The following IPMK variants were observed in gnomAD, a reference collection of about 807,000 sequenced individuals.
IPMK encodes inositol polyphosphate multikinase.
A neutral mutation model predicts 45.8 loss-of-function variants in IPMK; 17 were observed. That is an observed-to-expected ratio of 0.37 (90% CI 0.25 to 0.56). The LOEUF is 0.56. Among genes scored for constraint, IPMK ranks in the 20% least tolerant of loss-of-function variants. The pLI, the probability that IPMK is intolerant of heterozygous loss-of-function variation, is 0.79. For synonymous variants in IPMK, 180 were observed against 184.3 expected (o/e 0.98, Z 0.19); for missense variants, 399 against 498.0 (o/e 0.80, Z 1.89).
At chr10:58,255,262 C>A (rs1402697230) in intron 1 of IPMK, among the ~76,000 whole-genome samples, 1 of 152,228 alleles carries the variant, frequency 6.6e-6, no homozygotes, top group East Asian at 1.9e-4. Context: ...TTCAGCCCTT[C>A]TGGCATTTCC....
intron 3 of IPMK, among the ~76,000 whole-genome samples, chr10:58,219,426 GAA>G (rs2132154763): frequency 6.6e-6 from 1 of 152,300 alleles, no homozygotes; most frequent in Admixed American, 6.5e-5. Flanking sequence ...GTCATTAATA[GAA>G]ATAAATCTGA....
chr10:58,199,418 G>C (rs1265790721), intron 4 of IPMK, 97 bp from the exon 5 acceptor site: 1 of 639,012 alleles, frequency 1.6e-6, no homozygotes, highest in Admixed American at 3.7e-5. Context: ...ATCTACTCAG[G>C]TAATTCATTC....
At chr10:58,248,753 A>T (rs144199646) in intron 1 of IPMK, among the ~76,000 whole-genome samples, 65 of 152,270 alleles carry the variant, frequency 4.3e-4, no homozygotes, top group African/African-American at 1.5e-3. Flanking sequence ...CCATGAGATC[A>T]ATGTTTTTAG....
intron 1 of IPMK, among the ~76,000 whole-genome samples, chr10:58,238,291 T>C (rs1252440814): frequency 6.6e-6 from 1 of 152,206 alleles, no homozygotes; most frequent in Non-Finnish European, 1.5e-5. Context: ...ACTAAAATAT[T>C]TGCTGATTCA....
intron 1 of IPMK, among the ~76,000 whole-genome samples, chr10:58,242,598 T>A (rs190870367): frequency 6.6e-6 from 1 of 152,148 alleles, no homozygotes; most frequent in African/African-American, 2.4e-5. Context: ...CTCATCACTA[T>A]ACTCAAATCA....
intron 3 of IPMK, among the ~76,000 whole-genome samples, chr10:58,221,728 T>A (rs1838339684): frequency 6.6e-6 from 1 of 151,898 alleles, no homozygotes; most frequent in African/African-American, 2.4e-5. Flanking sequence ...CCAGCTAATT[T>A]TTATTTTTTT....
chr10:58,232,019 G>T (rs1838531359), intron 2 of IPMK, among the ~76,000 whole-genome samples: 1 of 152,028 alleles, frequency 6.6e-6, no homozygotes, highest in Admixed American at 6.6e-5. Context: ...AAAAGCAGGG[G>T]TTACAATCCT....
intron 1 of IPMK, among the ~76,000 whole-genome samples, chr10:58,266,711 G>T (rs543375591): frequency 6.6e-6 from 1 of 152,282 alleles, no homozygotes; most frequent in South Asian, 2.1e-4. Flanking sequence ...TGTGAACTCA[G>T]AAAATGTATT....
At chr10:58,204,396 T>C (rs1838043415) in intron 4 of IPMK, among the ~76,000 whole-genome samples, 2 of 152,140 alleles carry the variant, frequency 1.3e-5, no homozygotes, top group Non-Finnish European at 2.9e-5. Context: ...GTCACCATAT[T>C]AGTTGCTCAT....
chr10:58,259,602 G>A (rs1424801537), intron 1 of IPMK, among the ~76,000 whole-genome samples: 7 of 149,726 alleles, frequency 4.7e-5, no homozygotes, highest in Non-Finnish European at 1.5e-5. Context: ...AGAGTCTGAG[G>A]TGGGTGGATC....
rs1839178283 is a variant in IPMK, at chr10:58,267,835, C to T, written c.-224G>A. 2 of 482,056 alleles carry T rather than the reference C, an allele frequency of 4.1e-6. No individual in the cohort carries two copies. The highest frequency in any genetic ancestry group is 6.1e-5 in the South Asian group (2 of 32,754). 29.9% of individuals were successfully genotyped at this position (482,056 alleles called of 1,614,324 possible). On this transcript the variant is annotated 5_prime_UTR_variant, in exon 1 of 6. Coordinates refer to ENST00000373935, the MANE Select transcript of IPMK (RefSeq NM_152230.5). Reference sequence around the variant, plus strand: ...GGAACGCGGCTCCCGGCTCCTGTTCCTCTGCCGCCGCAGCCGCCGGCCCCG... The same window carrying T: ...GGAACGCGGCTCCCGGCTCCTGTTCTTCTGCCGCCGCAGCCGCCGGCCCCG...
chr10:58,267,271 G>A, intron 1 of IPMK, 151 bp downstream of exon 1: 5 of 722,194 alleles, frequency 6.9e-6, no homozygotes, highest in South Asian at 1.8e-5. Flanking sequence ...CTCGAGTGGC[G>A]AGGCTTCGGG....
rs1045477030 is a variant in IPMK, at chr10:58,236,926, C to T, written c.276+803G>A. 5.3e-5 allele frequency among the ~76,000 whole-genome samples: 8 copies of T among 152,028 alleles called. No homozygotes were observed. In the East Asian group the frequency reaches 9.6e-4, roughly 18 times the overall value. On this transcript the variant is annotated intron_variant, in intron 2 of 5. Coordinates refer to ENST00000373935, the MANE Select transcript of IPMK (RefSeq NM_152230.5). ...CTCTACAAAAAATGCAAAAATTAGC[C>T]GGGCTGCGTGGCACACGCCTGTAGT...
In IPMK at chr10:58,238,401, C is replaced by T. The variant is rs953682614; in HGVS notation, c.191-587G>A. ...AACAAGCCTAGAGCAGGAAAGGGCACCTTTTTATAATCTGTCCATTCAAAG... is the reference window on the plus strand; with the variant it reads ...AACAAGCCTAGAGCAGGAAAGGGCATCTTTTTATAATCTGTCCATTCAAAG... On this transcript the variant is annotated intron_variant, in intron 1 of 5. Coordinates refer to ENST00000373935, the MANE Select transcript of IPMK (RefSeq NM_152230.5). Among the ~76,000 whole-genome samples the T allele has an allele frequency of 3.9e-5, 6 of 152,262 alleles. No homozygotes were observed. In the South Asian group the frequency reaches 8.3e-4, roughly 21 times the overall value.
rs112879652 is a variant in IPMK at position 58,194,308 on chromosome 10, A to C, written c.*1768T>G. 568 of 151,982 alleles carry C rather than the reference A, an allele frequency of 3.7e-3. 2 individuals carry two copies. The highest frequency in any genetic ancestry group is 0.013 in the African/African-American group (527 of 41,542). 9.4% of individuals were successfully genotyped at this position (151,982 alleles called of 1,614,324 possible). A position where few individuals can be genotyped will look rare whatever the true frequency, so the allele number is the denominator to read the frequency against. On this transcript the variant is annotated 3_prime_UTR_variant, in exon 6 of 6. Coordinates refer to ENST00000373935, the MANE Select transcript of IPMK (RefSeq NM_152230.5). The stretch of plus-strand genomic sequence containing the variant: ...ATCCATATTGTAAAAGAAAAAAGTA[A>C]AACTAAAAATTCTGATTATTATGAC...
intron 2 of IPMK, among the ~76,000 whole-genome samples, chr10:58,231,974 T>A (rs1049905875): frequency 6.6e-6 from 1 of 151,996 alleles, no homozygotes; most frequent in Non-Finnish European, 1.5e-5. Context: ...AATAAAGGGA[T>A]GGAGGAGGAT....
rs970176259 is a variant in IPMK, at chr10:58,193,877, C to G, written c.*2199G>C. On this transcript the variant is annotated 3_prime_UTR_variant, in exon 6 of 6. Transcript: ENST00000373935. ...TAGATTAGATAAACAGATACTTATT[C>G]TGTTATACCTAAGCCTACTTATAAA... is the stretch of plus-strand genomic sequence containing the variant. 2.0e-5 allele frequency: 3 copies of G among 151,730 alleles called. No homozygotes were observed. The highest frequency in any genetic ancestry group is 7.2e-5 in the African/African-American group (3 of 41,400). The allele number at this position is 151,730 out of a possible 1,614,324, so 9.4% of individuals were successfully genotyped here.
At chr10:58,258,138 C>T (rs977092414) in intron 1 of IPMK, among the ~76,000 whole-genome samples, 1 of 151,934 alleles carries the variant, frequency 6.6e-6, no homozygotes, top group African/African-American at 2.4e-5. Flanking sequence ...GTGAAACCCC[C>T]ATCTCTACTA....
intron 1 of IPMK, among the ~76,000 whole-genome samples, chr10:58,247,676 G>A (rs1838822513): frequency 6.6e-6 from 1 of 152,208 alleles, no homozygotes; most frequent in East Asian, 1.9e-4. Flanking sequence ...GAGGGGTGAG[G>A]GATAGCATTG....
Sources: gnomAD v4.1 joint callset for allele counts (sites outside exome capture counted in the v4.1 genomes callset) on GRCh38, gnomAD v4.1.1 for gene constraint, MANE v1.5 for transcripts, NCBI Gene and HGNC (gene_info 2026-07-23, HGNC 2026-07-21) for gene names.